The following EPHA7 variants were observed in gnomAD, a reference collection of about 807,000 sequenced individuals.
EPHA7 encodes the protein EPH receptor A7.
A neutral mutation model predicts 112.6 loss-of-function variants in EPHA7; 25 were observed. The ratio of observed to expected loss-of-function variants is 0.22; its 90% confidence interval spans 0.16 to 0.31. The LOEUF (loss-of-function observed/expected upper bound fraction) is 0.31, where lower values mean the gene tolerates loss of function less well. Among genes scored for constraint, EPHA7 ranks in the 10% least tolerant of loss-of-function variants. EPHA7 has a pLI of 1.00. For missense variants in EPHA7, 962 were observed against 1,212.6 expected (o/e 0.79, Z 3.07); for synonymous variants, 437 against 406.5 (o/e 1.07, Z -0.90).
intron 5 of EPHA7, among the ~76,000 whole-genome samples, chr6:93,278,597 C>A (rs970467957): frequency 6.6e-6 from 1 of 152,082 alleles, no homozygotes; most frequent in Non-Finnish European, 1.5e-5. Context: ...TTACTATATG[C>A]AAGGCATTGT....
Position 93,257,563 on chromosome 6 carries a change from A to C in EPHA7, c.2111-40T>G. The C allele has an allele frequency of 2.2e-6, 3 of 1,349,860 alleles. No homozygotes were observed. The South Asian group carries it at 3.6e-5, about 16-fold the overall frequency. The allele number at this position is 1,349,860 out of a possible 1,614,324, so 83.6% of individuals were successfully genotyped here. On this transcript the variant is annotated intron_variant, in intron 11 of 16. Coordinates refer to ENST00000369303, the MANE Select transcript of EPHA7 (RefSeq NM_004440.4). ...AAAAAGTTTCAGGAGTCGTAACCTG[A>C]GCTGGAGGGTCATTTCCTTTCTCAT...
intron 14 of EPHA7, 115 bp downstream of exon 14, chr6:93,254,532 A>C (rs966824433): frequency 4.1e-6 from 3 of 723,388 alleles, no homozygotes; most frequent in Non-Finnish European, 6.1e-6. Context: ...ATTGTGGAAA[A>C]CTGTATTTTT....
At chr6:93,288,704 A>G (rs1049094815) in intron 5 of EPHA7, among the ~76,000 whole-genome samples, 7 of 151,884 alleles carry the variant, frequency 4.6e-5, no homozygotes, top group Non-Finnish European at 1.0e-4. Context: ...TGCACCTTAT[A>G]CTCTTTTCTG....
Position 93,387,924 on chromosome 6 carries a change from CAGATAGATAGATAGAT to C in EPHA7, c.832+22561_832+22576del, listed in dbSNP as rs200554873. Among the ~76,000 whole-genome samples the C allele has an allele frequency of 7.1e-4, 104 of 145,680 alleles. 4 individuals are homozygous for C. Among genetic ancestry groups the C allele is most frequent in the Admixed American group, 3.8e-3 (55 of 14,430 alleles). ...AGCCAGACCATCTTAGATAGATAGA[CAGATAGATAGATAGAT>C]AGATAGATAGATAGATAGATAGATA... is the stretch of plus-strand genomic sequence containing the variant. On this transcript the variant is annotated intron_variant, in intron 3 of 16. Transcript: ENST00000369303.
rs145346936 is a variant in EPHA7 at position 93,383,807 on chromosome 6, C to T, written c.833-25396G>A. On this transcript the variant is annotated intron_variant, in intron 3 of 16. Coordinates refer to ENST00000369303, the MANE Select transcript of EPHA7 (RefSeq NM_004440.4). ...CGAACTCCTGGGCTCAAGCCATCTG[C>T]CCACTTCAGCTTTCATAGTAGCTGA... 2.1e-3 allele frequency among the ~76,000 whole-genome samples: 324 copies of T among 152,186 alleles called. 3 individuals are homozygous for T. Among genetic ancestry groups the T allele is most frequent in the African/African-American group, 7.5e-3 (312 of 41,528 alleles).
chr6:93,407,709 T>C (rs960231649), intron 3 of EPHA7, among the ~76,000 whole-genome samples: 4 of 152,032 alleles, frequency 2.6e-5, no homozygotes, highest in African/African-American at 9.7e-5. Context: ...GCAGAATTAA[T>C]GAAGATGACA....
chr6:93,327,233 C>T (rs1300041154), intron 5 of EPHA7, among the ~76,000 whole-genome samples: 3 of 151,640 alleles, frequency 2.0e-5, no homozygotes, highest in African/African-American at 4.8e-5. Context: ...CAGATCATTG[C>T]CTCCTCCTTG....
intron 5 of EPHA7, among the ~76,000 whole-genome samples, chr6:93,324,967 A>G (rs1358480347): frequency 6.6e-6 from 1 of 151,322 alleles, no homozygotes; most frequent in African/African-American, 2.4e-5. Flanking sequence ...TGTACTTATT[A>G]ATAACAATCC....
chr6:93,293,541 C>A (rs947289439), intron 5 of EPHA7, among the ~76,000 whole-genome samples: 1 of 151,984 alleles, frequency 6.6e-6, no homozygotes, highest in Non-Finnish European at 1.5e-5. Flanking sequence ...AAGAAAATAT[C>A]GTCATTCTCA....
chr6:93,394,835 A>G (rs1424998946), intron 3 of EPHA7, among the ~76,000 whole-genome samples: 1 of 151,876 alleles, frequency 6.6e-6, no homozygotes, highest in Non-Finnish European at 1.5e-5. Flanking sequence ...CAGAAAATCC[A>G]GTGCTATGCT....
At chr6:93,251,616 G>T (rs929590752) in intron 14 of EPHA7, among the ~76,000 whole-genome samples, 1 of 82,812 alleles carries the variant, frequency 1.2e-5, no homozygotes, top group African/African-American at 3.2e-5. Context: ...AATACTGCTA[G>T]AAGAAAAAAA....
intron 5 of EPHA7, among the ~76,000 whole-genome samples, chr6:93,323,725 T>C (rs1053079146): frequency 3.3e-5 from 5 of 151,478 alleles, no homozygotes; most frequent in African/African-American, 1.2e-4. Context: ...ATACTGGCTT[T>C]CATACAGTGC....
intron 3 of EPHA7, among the ~76,000 whole-genome samples, chr6:93,365,869 TTTG>T (rs1475972213): frequency 6.6e-6 from 1 of 152,200 alleles, no homozygotes; most frequent in Non-Finnish European, 1.5e-5. Flanking sequence ...TACGTGTGTG[TTTG>T]TTATTAATTT....
intron 3 of EPHA7, chr6:93,409,879 A>G (rs1364260952): frequency 6.7e-6 from 1 of 149,540 alleles, no homozygotes; most frequent in Non-Finnish European, 1.5e-5. Context: ...CCACTTTCAC[A>G]AAAATGTGGT....
chr6:93,346,052 A>G (rs1212097894), intron 5 of EPHA7, among the ~76,000 whole-genome samples: 1 of 151,704 alleles, frequency 6.6e-6, no homozygotes, highest in Non-Finnish European at 1.5e-5. Context: ...CATAGCTTTC[A>G]AGGCTATGTC....
chr6:93,383,376 C>A (rs901290758), intron 3 of EPHA7, among the ~76,000 whole-genome samples: 1 of 151,436 alleles, frequency 6.6e-6, no homozygotes, highest in South Asian at 2.1e-4. Flanking sequence ...TTGGATGTCA[C>A]TCAATGCATA....
At chr6:93,342,127 C>A (rs947210992) in intron 5 of EPHA7, among the ~76,000 whole-genome samples, 1 of 151,750 alleles carries the variant, frequency 6.6e-6, no homozygotes, top group Non-Finnish European at 1.5e-5. Context: ...TTAAAGTGCA[C>A]CTTCCATGAA....
intron 5 of EPHA7, among the ~76,000 whole-genome samples, chr6:93,328,333 T>C (rs1212150332): frequency 6.6e-6 from 1 of 151,582 alleles, no homozygotes; most frequent in African/African-American, 2.4e-5. Flanking sequence ...CCACTTCTAC[T>C]AGAAACTTTT....
At chr6:93,369,782 T>A (rs1776694624) in intron 3 of EPHA7, among the ~76,000 whole-genome samples, 1 of 152,180 alleles carries the variant, frequency 6.6e-6, no homozygotes, top group African/African-American at 2.4e-5. Flanking sequence ...TTAATCTATG[T>A]TTATTGAATG....
Sources: allele counts gnomAD v4.1 joint callset (sites outside exome capture counted in the v4.1 genomes callset), GRCh38; gene constraint gnomAD v4.1.1; transcripts MANE v1.5; gene names NCBI Gene and HGNC (gene_info 2026-07-23, HGNC 2026-07-21).